The following PITPNC1 variants were observed in gnomAD, a reference collection of about 807,000 sequenced individuals.
The protein encoded by PITPNC1 is cytoplasmic phosphatidylinositol transfer protein 1.
In PITPNC1, 18 loss-of-function variants were observed where a neutral mutation model predicts 44.7. That is an observed-to-expected ratio of 0.40 (90% CI 0.28 to 0.60). The LOEUF (loss-of-function observed/expected upper bound fraction) is 0.60. PITPNC1 is among the 20% of genes least tolerant of loss of function. The pLI is 0.39. For synonymous variants in PITPNC1, 141 were observed against 149.6 expected, an observed-to-expected ratio of 0.94 and a Z score of 0.42; for missense variants, 290 against 418.4, an observed-to-expected ratio of 0.69 and a Z score of 2.68.
intron 1 of PITPNC1, among the ~76,000 whole-genome samples, chr17:67,430,057 G>A (rs73996715): frequency 6.6e-6 from 1 of 152,152 alleles, no homozygotes; most frequent in East Asian, 1.9e-4. Flanking sequence ...TAATTTTTCT[G>A]AACTTCTTTT....
intron 5 of PITPNC1, among the ~76,000 whole-genome samples, chr17:67,617,175 T>C (rs1299632095): frequency 6.6e-6 from 1 of 152,176 alleles, no homozygotes; most frequent in Admixed American, 6.5e-5. Context: ...ACAGGGACGG[T>C]CTTAATCTGG....
chr17:67,613,955 A>G (rs1275085854), intron 5 of PITPNC1: 1 of 118,930 alleles, frequency 8.4e-6, no homozygotes, highest in Admixed American at 9.0e-5. Flanking sequence ...AAAAAAAAAA[A>G]GTAGCCTATA....
chr17:67,663,471 A>G (rs1414695342), intron 6 of PITPNC1, among the ~76,000 whole-genome samples: 1 of 151,962 alleles, frequency 6.6e-6, no homozygotes, highest in Admixed American at 6.6e-5. Flanking sequence ...TCGGAAGGCT[A>G]AGGCAGGAGA....
intron 1 of PITPNC1, among the ~76,000 whole-genome samples, chr17:67,452,613 C>T (rs1180649601): frequency 6.6e-6 from 1 of 151,676 alleles, no homozygotes; most frequent in Non-Finnish European, 1.5e-5. Flanking sequence ...CTGCCTCAGC[C>T]TCCCAAGTAG....
At chr17:67,465,158 T>C (rs73342154) in intron 1 of PITPNC1, among the ~76,000 whole-genome samples, 1,974 of 152,298 alleles carry the variant, frequency 0.013, 41 homozygotes, top group African/African-American at 0.044. Context: ...GAAATCGGGA[T>C]TTTAAGAGTG....
chr17:67,587,333 A>AG (rs1281183538), intron 5 of PITPNC1, among the ~76,000 whole-genome samples: 1 of 152,018 alleles, frequency 6.6e-6, no homozygotes, highest in East Asian at 1.9e-4. Flanking sequence ...ACAAAAAAAA[A>AG]AAAAAATTTA....
chr17:67,417,444 T>C (rs748298710), intron 1 of PITPNC1, among the ~76,000 whole-genome samples: 29 of 152,124 alleles, frequency 1.9e-4, no homozygotes, highest in Non-Finnish European at 8.8e-5. Flanking sequence ...TTCAGCACCC[T>C]CTTGATTCTT....
chr17:67,523,806 CGTTTTTTTT>C (rs1221678479), intron 1 of PITPNC1, among the ~76,000 whole-genome samples: 1 of 127,632 alleles, frequency 7.8e-6, no homozygotes, highest in Non-Finnish European at 1.6e-5. Flanking sequence ...ACATGGAAAC[CGTTTTTTTT>C]TTTTTTTTTT....
chr17:67,387,884 A>G (rs1567971146), intron 1 of PITPNC1, among the ~76,000 whole-genome samples: 1 of 151,996 alleles, frequency 6.6e-6, no homozygotes, highest in Non-Finnish European at 1.5e-5. Flanking sequence ...TTTTCACACT[A>G]AGTCTTTGAA....
chr17:67,438,759 C>G (rs2038971695), intron 1 of PITPNC1, among the ~76,000 whole-genome samples: 1 of 152,200 alleles, frequency 6.6e-6, no homozygotes, highest in African/African-American at 2.4e-5. Context: ...AGAAGCAACC[C>G]TGAGGTATAA....
chr17:67,415,971 T>C (rs1301490775), intron 1 of PITPNC1, among the ~76,000 whole-genome samples: 1 of 152,128 alleles, frequency 6.6e-6, no homozygotes, highest in African/African-American at 2.4e-5. Context: ...TGTACTGCCA[T>C]TCTTCATTCT....
At chr17:67,653,168 G>C (rs958767755) in intron 6 of PITPNC1, among the ~76,000 whole-genome samples, 6 of 152,038 alleles carry the variant, frequency 3.9e-5, no homozygotes, top group Non-Finnish European at 8.8e-5. Flanking sequence ...TGTAGTCCCA[G>C]CTACTCGGGA....
intron 2 of PITPNC1, among the ~76,000 whole-genome samples, chr17:67,541,835 C>T (rs148350074): frequency 6.6e-6 from 1 of 152,260 alleles, no homozygotes; most frequent in African/African-American, 2.4e-5. Context: ...ACCAATGGGA[C>T]CAAGACCAGT....
chr17:67,481,972 C>T (rs992871741), intron 1 of PITPNC1, among the ~76,000 whole-genome samples: 1 of 152,136 alleles, frequency 6.6e-6, no homozygotes, highest in Non-Finnish European at 1.5e-5. Context: ...TGCAATTCTG[C>T]TTTGTTGAGC....
At chr17:67,472,564 G>A (rs2039556530) in intron 1 of PITPNC1, among the ~76,000 whole-genome samples, 1 of 150,872 alleles carries the variant, frequency 6.6e-6, no homozygotes, top group South Asian at 2.1e-4. Flanking sequence ...GGAGAATGGT[G>A]TGAATCCAGG....
intron 5 of PITPNC1, among the ~76,000 whole-genome samples, chr17:67,619,892 GAGCTTGACCATGTCCTCATGA>G (rs1427582946): frequency 6.6e-6 from 1 of 152,070 alleles, no homozygotes; most frequent in Non-Finnish European, 1.5e-5. Flanking sequence ...ACACCCCTGA[GAGCTTGACCATGTCCTCATGA>G]ACTCACCGTC....
chr17:67,586,916 T>C (rs1054660938), intron 5 of PITPNC1, among the ~76,000 whole-genome samples: 1 of 152,114 alleles, frequency 6.6e-6, no homozygotes, highest in Non-Finnish European at 1.5e-5. Flanking sequence ...TGGTTTGAGC[T>C]GGAAAGATGG....
rs113322475 is a variant in PITPNC1, at chr17:67,693,036, T to C, written c.*148T>C. 3.3e-6 allele frequency: 2 copies of C among 607,626 alleles called. No individual in the cohort carries two copies. The highest frequency in any genetic ancestry group is 1.9e-5 in the African/African-American group (1 of 53,992). 37.6% of individuals were successfully genotyped at this position (607,626 alleles called of 1,614,324 possible). A position where few individuals can be genotyped will look rare whatever the true frequency, so the allele number is the denominator to read the frequency against. On this transcript the variant is annotated 3_prime_UTR_variant, in exon 9 of 9. Coordinates refer to ENST00000581322, the MANE Select transcript of PITPNC1 (RefSeq NM_012417.4). ...GTGCATGTGACTCAGTAACTTCACA[T>C]AGAATATGATTCCCTAAGTATGCTA...
intron 1 of PITPNC1, among the ~76,000 whole-genome samples, chr17:67,498,139 G>A (rs1471270043): frequency 1.3e-5 from 2 of 152,142 alleles, no homozygotes; most frequent in Admixed American, 6.5e-5. Flanking sequence ...CAAAGTGCTA[G>A]GATTACAGGC....
Sources: allele counts gnomAD v4.1 joint callset (sites outside exome capture counted in the v4.1 genomes callset), GRCh38; gene constraint gnomAD v4.1.1; transcripts MANE v1.5; gene names NCBI Gene and HGNC (gene_info 2026-07-23, HGNC 2026-07-21).